PCDHA1: variants seen among roughly 807,000 people sequenced by gnomAD.
PCDHA1 encodes protocadherin alpha-1.
In PCDHA1, 42 loss-of-function variants were observed where a neutral mutation model predicts 61.3. That is an observed-to-expected ratio of 0.69 (90% CI 0.54 to 0.89). PCDHA1 has a LOEUF of 0.89. Among genes scored for constraint, PCDHA1 ranks in the 40% least tolerant of loss-of-function variants. The pLI, the probability that PCDHA1 is intolerant of heterozygous loss-of-function variation, is 0.00. For missense variants in PCDHA1, 1,256 were observed against 1,235.3 expected (o/e 1.02, Z -0.25); for synonymous variants, 610 against 553.8 (o/e 1.10, Z -1.43).
At chr5:140,866,291 T>A (rs1193667769) in intron 1 of PCDHA1, 1 of 152,138 alleles carries the variant, frequency 6.6e-6, no homozygotes, top group Non-Finnish European at 1.5e-5. Flanking sequence ...TTGGGACAAG[T>A]ATAGATGTTG....
At chr5:140,927,764 G>T (rs2084612834) in intron 1 of PCDHA1, 1 of 1,614,092 alleles carries the variant, frequency 6.2e-7, no homozygotes. Flanking sequence ...CCTAAAAGTG[G>T]GGAGGTGCAA....
intron 1 of PCDHA1, chr5:140,825,402 A>G (rs1474755792): frequency 1.4e-5 from 2 of 146,354 alleles, no homozygotes; most frequent in East Asian, 3.9e-4. Context: ...CTAATATATT[A>G]TATATTTTAT....
At chr5:140,795,932 C>A in intron 1 of PCDHA1, 1 of 1,614,026 alleles carries the variant, frequency 6.2e-7, no homozygotes, top group Non-Finnish European at 8.5e-7. Flanking sequence ...GTCACTGCAA[C>A]TGACAAAGGA....
At chr5:140,805,144 T>C (rs1763517709) in intron 1 of PCDHA1, 3 of 1,568,270 alleles carry the variant, frequency 1.9e-6, no homozygotes, top group African/African-American at 1.3e-5. Flanking sequence ...TTGAAGACTT[T>C]GGAATTTTCA....
chr5:140,862,491 C>T, intron 1 of PCDHA1: 1 of 387,444 alleles, frequency 2.6e-6, no homozygotes, highest in Admixed American at 3.4e-5. Flanking sequence ...TTGGTAATCG[C>T]TCGGAATGGG....
rs2150461572 is a variant in PCDHA1 at position 140,849,985 on chromosome 5, G to T, written c.2394+61301G>T. On this transcript the variant is annotated intron_variant, in intron 1 of 3. Transcript: ENST00000504120. Reference sequence around the variant, plus strand: ...CTGGTGTCCTACTCGCTGGTGGAGCGGCGGTTGGGCGAGCGCTCGCTGTCG... The same window carrying T: ...CTGGTGTCCTACTCGCTGGTGGAGCTGCGGTTGGGCGAGCGCTCGCTGTCG... 32 of 1,597,274 alleles carry T rather than the reference G, an allele frequency of 2.0e-5. No homozygotes were observed. In the East Asian group the frequency reaches 2.2e-4, roughly 11 times the overall value.
chr5:140,843,129 A>G (rs2150353513), intron 1 of PCDHA1: 1 of 1,596,008 alleles, frequency 6.3e-7, no homozygotes, highest in Non-Finnish European at 8.6e-7. Context: ...GACTCGGGCT[A>G]CAACGCGTGG....
chr5:140,999,409 T>C (rs1554256782), intron 3 of PCDHA1, among the ~76,000 whole-genome samples: 1 of 152,186 alleles, frequency 6.6e-6, no homozygotes, highest in African/African-American at 2.4e-5. Flanking sequence ...TATGAAAGAA[T>C]GGGAGCTAAG....
chr5:140,796,458 G>A, intron 1 of PCDHA1: 1 of 1,612,800 alleles, frequency 6.2e-7, no homozygotes, highest in Non-Finnish European at 8.5e-7. Context: ...TGGAGCGGCG[G>A]GTGGGCGAGC....
intron 3 of PCDHA1, among the ~76,000 whole-genome samples, chr5:140,990,652 A>T (rs1023448596): frequency 1.3e-4 from 20 of 152,208 alleles, no homozygotes; most frequent in Admixed American, 1.3e-3. Flanking sequence ...GCCAGTATGA[A>T]TGATTTACAT....
At chr5:140,829,846 G>T in intron 1 of PCDHA1, 1 of 1,613,940 alleles carries the variant, frequency 6.2e-7, no homozygotes, top group Non-Finnish European at 8.5e-7. Flanking sequence ...CGCGGTCACT[G>T]GGTGCAGGCC....
At chr5:140,902,406 T>A (rs1166768605) in intron 1 of PCDHA1, among the ~76,000 whole-genome samples, 1 of 152,088 alleles carries the variant, frequency 6.6e-6, no homozygotes, top group Non-Finnish European at 1.5e-5. Flanking sequence ...AATACTATGT[T>A]GAATAACAGT....
chr5:140,841,799 G>A (rs2150322924), intron 1 of PCDHA1: 2 of 1,613,942 alleles, frequency 1.2e-6, no homozygotes, highest in East Asian at 2.2e-5. Context: ...CGCGTCCGAT[G>A]CAGATGTTGG....
intron 1 of PCDHA1, chr5:140,812,386 G>C (rs2126638126): frequency 6.6e-6 from 1 of 151,798 alleles, no homozygotes; most frequent in African/African-American, 2.4e-5. Context: ...TTTTTTCTTA[G>C]TCTAGCTAAG....
intron 1 of PCDHA1, chr5:140,883,398 G>C: frequency 6.2e-7 from 1 of 1,614,166 alleles, no homozygotes; most frequent in Non-Finnish European, 8.5e-7. Context: ...GTGTCCGATC[G>C]TGACTCTGGC....
chr5:140,805,472 A>G (rs1258521064), intron 1 of PCDHA1: 3 of 1,002,266 alleles, frequency 3.0e-6, no homozygotes, highest in Admixed American at 6.0e-5. Context: ...TAGTTCTTCA[A>G]TAGAGAGGGA....
intron 1 of PCDHA1, chr5:140,851,710 G>T: frequency 2.1e-6 from 2 of 958,600 alleles, no homozygotes; most frequent in Middle Eastern, 5.5e-4. Flanking sequence ...GCCATGTGAA[G>T]ATTCGAAACT....
rs782366361 is a variant in PCDHA1, at chr5:140,884,693, T to C, written c.2395-94256T>C. On this transcript the variant is annotated intron_variant, in intron 1 of 3. Coordinates refer to ENST00000504120, the MANE Select transcript of PCDHA1 (RefSeq NM_018900.4). ...CTTATATTTTAAAAAATTGTCTTAGTAAACACTTTAGCCTTCCTTGCAGTT... is the reference window on the plus strand; with the variant it reads ...CTTATATTTTAAAAAATTGTCTTAGCAAACACTTTAGCCTTCCTTGCAGTT... The C allele has an allele frequency of 2.1e-5, 32 of 1,524,768 alleles. No individual in the cohort carries two copies. The East Asian group carries it at 6.9e-4, about 33-fold the overall frequency. The allele number at this position is 1,524,768 out of a possible 1,614,324, so 94.5% of individuals were successfully genotyped here. A position where few individuals can be genotyped will look rare whatever the true frequency, so the allele number is the denominator to read the frequency against.
intron 1 of PCDHA1, chr5:140,847,470 C>T (rs2150400882): frequency 3.3e-5 from 5 of 149,674 alleles, no homozygotes; most frequent in African/African-American, 1.2e-4. Context: ...TCGACTTGGA[C>T]GTTGGAATAA....
Sources: allele counts gnomAD v4.1 joint callset (sites outside exome capture counted in the v4.1 genomes callset), GRCh38; gene constraint gnomAD v4.1.1; transcripts MANE v1.5; gene names NCBI Gene and HGNC (gene_info 2026-07-23, HGNC 2026-07-21).